Variants in DNAH12 observed in about 807,000 individuals in gnomAD.
DNAH12 encodes axonemal beta dynein heavy chain 12.
A neutral mutation model predicts 371.5 loss-of-function variants in DNAH12; 285 were observed. That is an observed-to-expected ratio of 0.77 (90% CI 0.70 to 0.85). The LOEUF (loss-of-function observed/expected upper bound fraction) is 0.85. Among genes scored for constraint, DNAH12 ranks in the 40% least tolerant of loss-of-function variants. DNAH12 has a pLI of 0.00. For missense variants in DNAH12, 3,611 were observed against 3,689.4 expected (o/e 0.98, Z 0.55); for synonymous variants, 1,200 against 1,213.0 (o/e 0.99, Z 0.22).
intron 13 of DNAH12, among the ~76,000 whole-genome samples, chr3:57,473,691 A>G (rs968710246): frequency 9.2e-6 from 1 of 108,222 alleles, no homozygotes; most frequent in Non-Finnish European, 2.0e-5. Context: ...ATGTATACAT[A>G]TATATACATA....
chr3:57,473,315 C>T (rs555757708), intron 13 of DNAH12, among the ~76,000 whole-genome samples: 3 of 152,116 alleles, frequency 2.0e-5, no homozygotes, highest in East Asian at 3.9e-4. Flanking sequence ...GACGAACCCC[C>T]ATCTCTACTA....
At chr3:57,444,839 A>C in intron 28 of DNAH12, 23 bp from the exon 29 acceptor site, 2 of 1,530,866 alleles carry the variant, frequency 1.3e-6, no homozygotes, top group Non-Finnish European at 8.8e-7. Context: ...AAAAAGTACA[A>C]TGTTAAGTTA....
At chr3:57,340,334 A>G (rs782412665) in intron 60 of DNAH12, among the ~76,000 whole-genome samples, 15 of 152,128 alleles carry the variant, frequency 9.9e-5, no homozygotes, top group Non-Finnish European at 1.8e-4. Flanking sequence ...AATAAATGAC[A>G]TTGAGACTAA....
intron 37 of DNAH12, 103 bp from the exon 38 acceptor site, chr3:57,415,667 T>C (rs2064350360): frequency 5.1e-6 from 6 of 1,169,230 alleles, no homozygotes; most frequent in African/African-American, 3.2e-5. Context: ...AATCAAATCA[T>C]CTTCATTAAA....
chr3:57,309,709 G>T lies in DNAH12; in HGVS notation c.11042C>A (p.Thr3681Asn), dbSNP rs2061547906. The change falls in exon 68 of 74, where the codon ACT (threonine) becomes AAT (asparagine). Residue 3681 changes from threonine (T) to asparagine (N), a missense_variant. Physicochemically the swap from Thr to Asn is moderately conservative, Grantham distance 65. Transcript: ENST00000495027. ...GSKQTGASGS[T>N]DQILLEITKD... ...GGTAATTTCTAACAGAATCTGATCA[G>T]TACTTCCTGAGGCTCCTGTCTGTTT... is the stretch of plus-strand genomic sequence containing the variant. 5.2e-6 allele frequency: 8 copies of T among 1,549,154 alleles called. No homozygotes were observed. The highest frequency in any genetic ancestry group is 7.0e-6 in the Non-Finnish European group (8 of 1,146,206).
intron 49 of DNAH12, among the ~76,000 whole-genome samples, chr3:57,382,618 A>G (rs2063417316): frequency 6.6e-6 from 1 of 152,122 alleles, no homozygotes; most frequent in Non-Finnish European, 1.5e-5. Context: ...GGGGTCAGTC[A>G]TAGATGCCTA....
intron 55 of DNAH12, among the ~76,000 whole-genome samples, chr3:57,374,378 T>C (rs906013586): frequency 5.0e-4 from 76 of 152,146 alleles, no homozygotes; most frequent in Non-Finnish European, 6.6e-4. Context: ...GAAAAGACTT[T>C]TAAAATTAGA....
chr3:57,348,052 A>T (rs1247768604), intron 60 of DNAH12, among the ~76,000 whole-genome samples: 3 of 152,208 alleles, frequency 2.0e-5, no homozygotes, highest in Non-Finnish European at 4.4e-5. Context: ...ATGTTCTCAC[A>T]AAAACTTACA....
intron 36 of DNAH12, among the ~76,000 whole-genome samples, chr3:57,420,648 G>GA (rs1559639398): frequency 6.6e-6 from 1 of 151,672 alleles, no homozygotes; most frequent in African/African-American, 2.4e-5. Flanking sequence ...AGTGGCTCAC[G>GA]CCTGTAATCC....
At chr3:57,336,582 T>G (rs782637271) in intron 60 of DNAH12, among the ~76,000 whole-genome samples, 3 of 152,068 alleles carry the variant, frequency 2.0e-5, no homozygotes, top group Admixed American at 6.5e-5. Context: ...ACAAGATATC[T>G]TAGGGGAAGT....
chr3:57,309,296 T>C, intron 68 of DNAH12, 42 bp from the exon 69 acceptor site: 1 of 1,442,664 alleles, frequency 6.9e-7, no homozygotes, highest in Non-Finnish European at 9.4e-7. Context: ...ATTCTCAGAA[T>C]GGATAATTAG....
intron 37 of DNAH12, among the ~76,000 whole-genome samples, chr3:57,418,624 G>A (rs895348334): frequency 1.3e-5 from 2 of 150,974 alleles, no homozygotes; most frequent in Non-Finnish European, 2.9e-5. Context: ...ATGCAAAAAT[G>A]CAACTACGGA....
chr3:57,425,220 T>G, intron 34 of DNAH12, 79 bp from the exon 35 acceptor site: 1 of 658,774 alleles, frequency 1.5e-6, no homozygotes. Context: ...TTTTAAAAAC[T>G]GATAAAAGCA....
Position 57,520,042 on chromosome 3 carries a change from G to C in DNAH12, c.279+3541C>G. 4 of 678,930 alleles carry C rather than the reference G, an allele frequency of 5.9e-6. No homozygotes were observed. In the South Asian group the frequency reaches 7.1e-5, roughly 12 times the overall value. The allele number at this position is 678,930 out of a possible 1,614,324, so 42.1% of individuals were successfully genotyped here. ...GCCGCGGAGCCGATGGCCGACGTTG[G>C]GTTGGGGAAAGCCGGAGGCTGTGGC... On this transcript the variant is annotated intron_variant, in intron 4 of 73. Coordinates refer to ENST00000495027, the MANE Select transcript of DNAH12 (RefSeq NM_001366028.2).
At chr3:57,387,429 G>T (rs1465524075) in intron 45 of DNAH12, among the ~76,000 whole-genome samples, 1 of 152,086 alleles carries the variant, frequency 6.6e-6, no homozygotes, top group East Asian at 1.9e-4. Flanking sequence ...ATGAAAAAAG[G>T]ATAATATAAA....
chr3:57,310,135 A>T (rs948258472), intron 67 of DNAH12, among the ~76,000 whole-genome samples: 1 of 152,206 alleles, frequency 6.6e-6, no homozygotes, highest in Non-Finnish European at 1.5e-5. Flanking sequence ...CACTGAGATG[A>T]GTCTGTATAA....
chr3:57,506,226 C>T (rs1001657909), intron 8 of DNAH12, among the ~76,000 whole-genome samples: 2 of 152,054 alleles, frequency 1.3e-5, no homozygotes, highest in African/African-American at 4.8e-5. Flanking sequence ...GGGACATGCA[C>T]ATGGAGTGAG....
chr3:57,467,353 A>G (rs1441733207), intron 17 of DNAH12, among the ~76,000 whole-genome samples: 2 of 151,826 alleles, frequency 1.3e-5, no homozygotes, highest in African/African-American at 4.8e-5. Context: ...CTGACCTCAG[A>G]TCAGGTGATC....
At chr3:57,395,928 G>C (rs949814375) in intron 43 of DNAH12, among the ~76,000 whole-genome samples, 3 of 151,824 alleles carry the variant, frequency 2.0e-5, no homozygotes, top group Non-Finnish European at 4.4e-5. Context: ...CTGTATTCCA[G>C]CTGGGGTGAC....
Sources: allele counts gnomAD v4.1 joint callset (sites outside exome capture counted in the v4.1 genomes callset), GRCh38; gene constraint gnomAD v4.1.1; transcripts MANE v1.5; gene names NCBI Gene and HGNC (gene_info 2026-07-23, HGNC 2026-07-21).